Variants in RBPMS observed in about 807,000 individuals in gnomAD.
The protein encoded by RBPMS is RNA-binding protein with multiple splicing.
RBPMS carries 7 observed loss-of-function variants against 26.8 expected under a neutral mutation model. That is an observed-to-expected ratio of 0.26 (90% CI 0.15 to 0.49). The LOEUF (loss-of-function observed/expected upper bound fraction) is 0.49, where lower values mean the gene tolerates loss of function less well. RBPMS is among the 20% of genes least tolerant of loss of function. The pLI is 0.98. For missense variants in RBPMS, 186 were observed against 250.0 expected, an observed-to-expected ratio of 0.74 and a Z score of 1.73; for synonymous variants, 96 against 93.3, an observed-to-expected ratio of 1.03 and a Z score of -0.17.
intron 5 of RBPMS, among the ~76,000 whole-genome samples, chr8:30,534,120 G>A (rs1236401357): frequency 7.5e-6 from 1 of 134,178 alleles, no homozygotes; most frequent in Non-Finnish European, 1.6e-5. Flanking sequence ...GTGACAGCAC[G>A]AGACTCTCAA....
chr8:30,444,226 A>C (rs1813471130), intron 1 of RBPMS, among the ~76,000 whole-genome samples: 1 of 152,262 alleles, frequency 6.6e-6, no homozygotes, highest in Non-Finnish European at 1.5e-5. Context: ...AACATAGTAC[A>C]TAACCCATAG....
Position 30,474,718 on chromosome 8 carries a change from G to A in RBPMS, c.67-61G>A. On this transcript the variant is annotated intron_variant, in intron 1 of 8. Coordinates refer to ENST00000397323, the MANE Select transcript of RBPMS (RefSeq NM_001008710.3). ...GAATAATATGTTTCTGAGATATCAG[G>A]TGAGAGTTAACTCTCTGGAGTGTCC... is the stretch of plus-strand genomic sequence containing the variant. The A allele has an allele frequency of 1.0e-5, 9 of 895,406 alleles. No individual in the cohort carries two copies. In the South Asian group the frequency reaches 1.3e-4, roughly 13 times the overall value. 55.5% of individuals were successfully genotyped at this position (895,406 alleles called of 1,614,324 possible).
chr8:30,547,024 TTCTC>T (rs966905057), intron 6 of RBPMS, among the ~76,000 whole-genome samples: 2 of 152,318 alleles, frequency 1.3e-5, no homozygotes, highest in Admixed American at 6.5e-5. Context: ...TGGATCTTTC[TTCTC>T]TAAGTAGATG....
chr8:30,558,370 GAC>G (rs1163953879), intron 6 of RBPMS: 1 of 185,284 alleles, frequency 5.4e-6, no homozygotes, highest in African/African-American at 2.4e-5. Context: ...TGGGGTACCA[GAC>G]ACACACAGTG....
intron 6 of RBPMS, 157 bp from the exon 7 acceptor site, chr8:30,558,730 G>T: frequency 1.4e-6 from 1 of 710,606 alleles, no homozygotes. Flanking sequence ...ACACCGCTCT[G>T]ATGCTTTTCA....
intron 1 of RBPMS, among the ~76,000 whole-genome samples, chr8:30,418,981 T>C (rs1288977567): frequency 2.0e-5 from 3 of 151,904 alleles, no homozygotes; most frequent in African/African-American, 7.3e-5. Flanking sequence ...TTCCCTAGTC[T>C]TTTTGCTTGT....
At chr8:30,481,570 G>A (rs572289562) in intron 4 of RBPMS, among the ~76,000 whole-genome samples, 16 of 151,592 alleles carry the variant, frequency 1.1e-4, no homozygotes, top group African/African-American at 2.9e-4. Context: ...CTGGCAGTAC[G>A]CCTTTCTTTA....
At chr8:30,511,482 A>ATATATATAT (rs1821632668) in intron 5 of RBPMS, among the ~76,000 whole-genome samples, 1 of 6,790 alleles carries the variant, frequency 1.5e-4, no homozygotes, top group African/African-American at 2.5e-4. Flanking sequence ...AAAAAAAAAA[A>ATATATATAT]AAAAATATAT....
intron 8 of RBPMS, among the ~76,000 whole-genome samples, chr8:30,569,799 C>G (rs1047022126): frequency 5.3e-5 from 8 of 152,092 alleles, no homozygotes; most frequent in African/African-American, 1.9e-4. Context: ...AGGGATGAGT[C>G]TGGATTTGGC....
intron 1 of RBPMS, chr8:30,445,394 A>G (rs1315552032): frequency 6.6e-6 from 1 of 152,174 alleles, no homozygotes; most frequent in Non-Finnish European, 1.5e-5. Context: ...TAGATTGACA[A>G]AAGTAACTAT....
chr8:30,484,826 C>A (rs994335767), intron 4 of RBPMS, among the ~76,000 whole-genome samples: 1 of 152,116 alleles, frequency 6.6e-6, no homozygotes, highest in African/African-American at 2.4e-5. Flanking sequence ...ATAAACACTA[C>A]AGTTATTTAT....
chr8:30,549,881 C>T (rs1347929514), intron 6 of RBPMS, among the ~76,000 whole-genome samples: 8 of 149,392 alleles, frequency 5.4e-5, no homozygotes, highest in African/African-American at 1.2e-4. Context: ...GGCAGAGTCT[C>T]GCTCTGTCGC....
rs71278690 is a variant in RBPMS at position 30,419,450 on chromosome 8, ATGTGTGTGTGTG to A, written c.66+34314_66+34325del. ...GACAGAGTGAGATTGCATCTCAAAA[ATGTGTGTGTGTG>A]TGTGTGTGTGTGTGTGTGTGTCAGC... is the stretch of plus-strand genomic sequence containing the variant. On this transcript the variant is annotated intron_variant, in intron 1 of 8. Transcript: ENST00000397323. Among the ~76,000 whole-genome samples the A allele has an allele frequency of 1.9e-4, 27 of 143,176 alleles. 1 individual carries two copies. Among genetic ancestry groups the A allele is most frequent in the Admixed American group, 1.7e-3 (24 of 14,220 alleles). 93.9% of individuals were successfully genotyped at this position (143,176 alleles called of 152,430 possible). A position where few individuals can be genotyped will look rare whatever the true frequency, so the allele number is the denominator to read the frequency against.
At chr8:30,433,660 G>A (rs1812164370) in intron 1 of RBPMS, among the ~76,000 whole-genome samples, 3 of 152,132 alleles carry the variant, frequency 2.0e-5, no homozygotes, top group Admixed American at 1.3e-4. Context: ...GTGGCAGAGT[G>A]AGATCTTGTC....
At chr8:30,416,554 C>T (rs994826380) in intron 1 of RBPMS, among the ~76,000 whole-genome samples, 1 of 152,118 alleles carries the variant, frequency 6.6e-6, no homozygotes, top group Non-Finnish European at 1.5e-5. Context: ...ACGACCTTGG[C>T]CCACTGCAAG....
intron 5 of RBPMS, among the ~76,000 whole-genome samples, chr8:30,518,936 C>A (rs1464664815): frequency 6.6e-6 from 1 of 151,642 alleles, no homozygotes; most frequent in Non-Finnish European, 1.5e-5. Context: ...GTGTCCTCCA[C>A]CCAAAAGCCT....
intron 4 of RBPMS, among the ~76,000 whole-genome samples, chr8:30,492,449 C>A (rs940609551): frequency 3.4e-5 from 5 of 147,712 alleles, no homozygotes; most frequent in Non-Finnish European, 6.1e-5. Context: ...ACACCAGTAA[C>A]CCTTTGACTT....
chr8:30,522,312 A>C (rs1348370206), intron 5 of RBPMS, among the ~76,000 whole-genome samples: 1 of 151,124 alleles, frequency 6.6e-6, no homozygotes. Flanking sequence ...ACAAGAAAGA[A>C]ACTCCACCTC....
chr8:30,426,060 T>C (rs1394538587), intron 1 of RBPMS, among the ~76,000 whole-genome samples: 2 of 152,142 alleles, frequency 1.3e-5, no homozygotes, highest in Non-Finnish European at 1.5e-5. Context: ...TTACTTACAG[T>C]CCCTTGACTG....
Sources: allele counts gnomAD v4.1 joint callset (sites outside exome capture counted in the v4.1 genomes callset), GRCh38; gene constraint gnomAD v4.1.1; transcripts MANE v1.5; gene names NCBI Gene and HGNC (gene_info 2026-07-23, HGNC 2026-07-21).